RRM2B: variants seen among roughly 807,000 people sequenced by gnomAD.
RRM2B encodes ribonucleoside-diphosphate reductase subunit M2 B.
A neutral mutation model predicts 45.9 loss-of-function variants in RRM2B; 20 were observed. The observed-to-expected ratio is 0.44, with a 90% CI of 0.31 to 0.63. The LOEUF (loss-of-function observed/expected upper bound fraction) is 0.63, where lower values mean the gene tolerates loss of function less well. RRM2B is among the 30% of genes least tolerant of loss of function. The probability of loss-of-function intolerance (pLI) is 0.09; values close to 1 mark genes in which losing one functional copy is unlikely to be tolerated. For synonymous variants in RRM2B, 124 were observed against 132.3 expected, an observed-to-expected ratio of 0.94 and a Z score of 0.43; for missense variants, 320 against 414.7, an observed-to-expected ratio of 0.77 and a Z score of 1.98.
chr8:102,236,617 C>G (rs570569050), intron 1 of RRM2B, among the ~76,000 whole-genome samples: 1 of 152,180 alleles, frequency 6.6e-6, no homozygotes, highest in East Asian at 1.9e-4. Flanking sequence ...GACACTGAGG[C>G]ACTGGTCTAA....
chr8:102,217,827 T>TA (rs113005118), intron 6 of RRM2B, among the ~76,000 whole-genome samples: 28,240 of 140,336 alleles, frequency 0.2, 2,803 homozygotes, highest in Middle Eastern at 0.25. Flanking sequence ...CAAAAAGGTT[T>TA]AAAAAAAAAA....
chr8:102,216,513 G>A (rs1810733256), intron 6 of RRM2B, among the ~76,000 whole-genome samples: 2 of 152,014 alleles, frequency 1.3e-5, no homozygotes, highest in African/African-American at 4.8e-5. Flanking sequence ...TATAACAAAT[G>A]CTATAAAGGT....
At chr8:102,224,818 G>T (rs1242642168) in intron 4 of RRM2B, 67 bp downstream of exon 4, 4 of 1,448,668 alleles carry the variant, frequency 2.8e-6, no homozygotes, top group Admixed American at 1.7e-5. Flanking sequence ...TTGAGTTTTG[G>T]AATAAATTCT....
Position 102,225,001 on chromosome 8 carries a change from C to T in RRM2B, c.339G>A (p.Gln113=). The T allele has an allele frequency of 6.2e-7, 1 of 1,614,102 alleles. No individual in the cohort carries two copies. The highest frequency in any genetic ancestry group is 1.1e-5 in the South Asian group (1 of 91,076). ...VNENLVERFS[Q]EVQVPEARCF... The stretch of plus-strand genomic sequence containing the variant: ...AGCGAGCCTCTGGAACCTGCACCTC[C>T]TGACTAAAGCGCTCCACCTAAGAAG... Residue 113 remains glutamine, a synonymous_variant, in exon 4 of 9, where the codon CAG becomes CAA. Transcript: ENST00000251810.
rs527519105 is a variant in RRM2B at position 102,223,474 on chromosome 8, C to T, written c.550+572G>A. Among the ~76,000 whole-genome samples the T allele has an allele frequency of 4.6e-5, 7 of 152,194 alleles. No homozygotes were observed. In the South Asian group the frequency reaches 6.2e-4, roughly 14 times the overall value. On this transcript the variant is annotated intron_variant, in intron 5 of 8. Coordinates refer to ENST00000251810, the MANE Select transcript of RRM2B (RefSeq NM_015713.5). ...TTGGGAGGCCAAGGTGGGCGGGTCACCTGAGATCAAGAGTTCAAGACTAGT... is the reference window on the plus strand; with the variant it reads ...TTGGGAGGCCAAGGTGGGCGGGTCATCTGAGATCAAGAGTTCAAGACTAGT...
At chr8:102,234,937 T>C (rs1811095061) in intron 1 of RRM2B, 1 of 153,518 alleles carries the variant, frequency 6.5e-6, no homozygotes, top group Non-Finnish European at 1.5e-5. Context: ...TGGGTATCTA[T>C]ATTTTTACAG....
chr8:102,222,755 T>C (rs1467250360), intron 5 of RRM2B, among the ~76,000 whole-genome samples: 2 of 152,244 alleles, frequency 1.3e-5, no homozygotes, highest in African/African-American at 4.8e-5. Flanking sequence ...GCAGATATGG[T>C]ACTCCAACTG....
chr8:102,229,770 A>G (rs1042437696), intron 2 of RRM2B, among the ~76,000 whole-genome samples: 2 of 152,094 alleles, frequency 1.3e-5, no homozygotes, highest in Non-Finnish European at 2.9e-5. Flanking sequence ...TTTTTACTAG[A>G]GACAGGGTTT....
At chr8:102,214,631 C>CT (rs1810694284) in intron 6 of RRM2B, among the ~76,000 whole-genome samples, 2 of 147,678 alleles carry the variant, frequency 1.4e-5, no homozygotes, top group Non-Finnish European at 3.0e-5. Context: ...AAAATGGAAA[C>CT]TGAGGTGGGG....
Position 102,204,856 on chromosome 8 carries a change from C to T in RRM2B, c.*3277G>A, listed in dbSNP as rs1173725955. On this transcript the variant is annotated 3_prime_UTR_variant, in exon 9 of 9. Coordinates refer to ENST00000251810, the MANE Select transcript of RRM2B (RefSeq NM_015713.5). ...AATATTGTGACCTTATTTAACTGTA[C>T]AAAAAGCAATCATTCTCTCCAGCCT... 2 of 152,186 alleles carry T rather than the reference C, an allele frequency of 1.3e-5. No homozygotes were observed. Among genetic ancestry groups the T allele is most frequent in the African/African-American group, 4.8e-5 (2 of 41,460 alleles). The allele number at this position is 152,186 out of a possible 1,614,324, so 9.4% of individuals were successfully genotyped here. A position where few individuals can be genotyped will look rare whatever the true frequency, so the allele number is the denominator to read the frequency against.
chr8:102,232,565 A>C (rs931490385), intron 1 of RRM2B, among the ~76,000 whole-genome samples: 3 of 152,250 alleles, frequency 2.0e-5, no homozygotes, highest in African/African-American at 7.2e-5. Context: ...TCTGATGATT[A>C]AAAGTGCTTT....
intron 5 of RRM2B, among the ~76,000 whole-genome samples, chr8:102,223,695 CAAA>C (rs764014539): frequency 6.7e-5 from 5 of 74,708 alleles, no homozygotes; most frequent in Admixed American, 1.5e-4. Context: ...GACTCCGTCT[CAAA>C]AAAAAAAAAA....
chr8:102,238,670 C>T (rs1811171644), intron 1 of RRM2B, 157 bp downstream of exon 1: 2 of 1,540,648 alleles, frequency 1.3e-6, no homozygotes, highest in African/African-American at 2.7e-5. Flanking sequence ...GACGGCCTCC[C>T]CGGCGCTCGC....
intron 2 of RRM2B, among the ~76,000 whole-genome samples, chr8:102,230,659 CAATAT>C (rs1457542643): frequency 6.6e-6 from 1 of 152,056 alleles, no homozygotes; most frequent in Non-Finnish European, 1.5e-5. Flanking sequence ...AAGATGTTGA[CAATAT>C]AACACTACAA....
chr8:102,227,660 C>T (rs1393288144), intron 2 of RRM2B, among the ~76,000 whole-genome samples: 4 of 152,138 alleles, frequency 2.6e-5, no homozygotes, highest in Admixed American at 2.6e-4. Context: ...AACAAATTAC[C>T]ATTGACTGGG....
chr8:102,236,339 G>A (rs1012652364), intron 1 of RRM2B, among the ~76,000 whole-genome samples: 13 of 152,148 alleles, frequency 8.5e-5, no homozygotes, highest in Admixed American at 4.6e-4. Context: ...TAGTCATGGA[G>A]AGTTTCTGAA....
chr8:102,238,521 G>C, intron 1 of RRM2B: 1 of 1,445,826 alleles, frequency 6.9e-7, no homozygotes. Context: ...AGGAGGGTGG[G>C]AGAGCGTGAG....
intron 3 of RRM2B, 54 bp downstream of exon 3, chr8:102,225,864 A>G: frequency 2.1e-6 from 2 of 932,504 alleles, no homozygotes; most frequent in Admixed American, 3.4e-5. Flanking sequence ...TACTGACATT[A>G]TCATCATTTA....
rs2132539226 is a variant in RRM2B, at chr8:102,207,960, G to A, written c.*173C>T. ...ACAAAAGCATTTAGGTCACACTCTT[G>A]TTGTTAAACAGGAAAATTATATAAA... On this transcript the variant is annotated 3_prime_UTR_variant, in exon 9 of 9. Transcript: ENST00000251810. 5 of 581,576 alleles carry A rather than the reference G, an allele frequency of 8.6e-6. No homozygotes were observed. In the South Asian group the frequency reaches 1.0e-4, roughly 12 times the overall value. 36.0% of individuals were successfully genotyped at this position (581,576 alleles called of 1,614,324 possible).
Sources: allele counts gnomAD v4.1 joint callset (sites outside exome capture counted in the v4.1 genomes callset), GRCh38; gene constraint gnomAD v4.1.1; transcripts MANE v1.5; gene names NCBI Gene and HGNC (gene_info 2026-07-23, HGNC 2026-07-21).